The following PDE1A variants were observed in gnomAD, a reference collection of about 807,000 sequenced individuals.
The protein encoded by PDE1A is phosphodiesterase 1A.
PDE1A carries 35 observed loss-of-function variants against 61.7 expected under a neutral mutation model. The observed-to-expected ratio is 0.57, with a 90% CI of 0.43 to 0.75. The LOEUF (loss-of-function observed/expected upper bound fraction) is 0.75, where lower values mean the gene tolerates loss of function less well. Among genes scored for constraint, PDE1A ranks in the 30% least tolerant of loss-of-function variants. The pLI is 0.00. For synonymous variants in PDE1A, 232 were observed against 213.2 expected, an observed-to-expected ratio of 1.09 and a Z score of -0.77; for missense variants, 597 against 630.6, an observed-to-expected ratio of 0.95 and a Z score of 0.57.
the PDE1A span, among the ~76,000 whole-genome samples, chr2:182,607,499 CT>C: frequency 6.6e-6 from 1 of 152,096 alleles, no homozygotes; most frequent in Non-Finnish European, 1.5e-5. Context: ...TTCATGCAAA[CT>C]CAAGGCCCAA....
At chr2:182,681,328 G>C in the PDE1A span, among the ~76,000 whole-genome samples, 1 of 151,490 alleles carries the variant, frequency 6.6e-6, no homozygotes, top group Non-Finnish European at 1.5e-5. Context: ...ATTTTAGAGA[G>C]AGAGAGTCTT....
intron 1 of PDE1A, among the ~76,000 whole-genome samples, chr2:182,401,214 C>A (rs189685594): frequency 6.6e-6 from 1 of 151,990 alleles, no homozygotes; most frequent in Non-Finnish European, 1.5e-5. Context: ...AGGAGGGACA[C>A]GACACAAAAA....
At chr2:182,417,049 A>G (rs904627554) in intron 1 of PDE1A, among the ~76,000 whole-genome samples, 2 of 152,198 alleles carry the variant, frequency 1.3e-5, no homozygotes, top group Admixed American at 1.3e-4. Flanking sequence ...CGCAATAGAC[A>G]CACACTGTAT....
At chr2:182,193,693 C>T (rs963898305) in intron 10 of PDE1A, among the ~76,000 whole-genome samples, 1 of 152,138 alleles carries the variant, frequency 6.6e-6, no homozygotes, top group African/African-American at 2.4e-5. Context: ...AATACATTCA[C>T]TTTCAGTAAA....
At chr2:182,293,794 G>C (rs1475411858) in intron 1 of PDE1A, among the ~76,000 whole-genome samples, 1 of 152,138 alleles carries the variant, frequency 6.6e-6, no homozygotes, top group African/African-American at 2.4e-5. Context: ...TTATTGTACT[G>C]TACTTATCCT....
At chr2:182,258,454 T>C (rs1223228610) in intron 2 of PDE1A, among the ~76,000 whole-genome samples, 4 of 152,214 alleles carry the variant, frequency 2.6e-5, no homozygotes, top group African/African-American at 9.6e-5. Context: ...CTGACCATTC[T>C]CAAGAACTTT....
At chr2:182,428,892 A>G (rs1703776670), upstream of PDE1A, among the ~76,000 whole-genome samples, 1 of 152,144 alleles carries the variant, frequency 6.6e-6, no homozygotes, top group Admixed American at 6.6e-5. Context: ...CATGAACACA[A>G]TGGAGGGAAC....
chr2:182,319,067 G>A (rs112447748), intron 1 of PDE1A, among the ~76,000 whole-genome samples: 1,679 of 151,868 alleles, frequency 0.011, 25 homozygotes, highest in South Asian at 0.07. Flanking sequence ...ATTATTTCTC[G>A]TCATGTATTG....
the PDE1A span, among the ~76,000 whole-genome samples, chr2:182,701,637 C>A: frequency 1.3e-5 from 2 of 152,236 alleles, no homozygotes; most frequent in South Asian, 4.2e-4. Flanking sequence ...CCGCCTCGGC[C>A]TCCCAAAGTT....
chr2:182,304,870 A>C (rs1422413851), intron 1 of PDE1A, among the ~76,000 whole-genome samples: 3 of 152,224 alleles, frequency 2.0e-5, no homozygotes, highest in African/African-American at 7.2e-5. Flanking sequence ...CTAAAATATC[A>C]CACAGAGACA....
chr2:182,575,454 T>C, the PDE1A span, among the ~76,000 whole-genome samples: 2 of 151,680 alleles, frequency 1.3e-5, no homozygotes, highest in Admixed American at 6.6e-5. Context: ...GGAATAATTG[T>C]TGTGACTCCT....
chr2:182,408,266 T>C (rs1702417084), intron 1 of PDE1A, among the ~76,000 whole-genome samples: 1 of 151,196 alleles, frequency 6.6e-6, no homozygotes, highest in Non-Finnish European at 1.5e-5. Context: ...TATTTGGAAA[T>C]GACATACCTG....
chr2:182,636,370 T>G, the PDE1A span, among the ~76,000 whole-genome samples: 1 of 152,288 alleles, frequency 6.6e-6, no homozygotes. Flanking sequence ...TAACTCTGTC[T>G]TTAACTTTTG....
chr2:182,185,422 TA>T (rs2125393760), intron 13 of PDE1A, among the ~76,000 whole-genome samples: 1 of 152,306 alleles, frequency 6.6e-6, no homozygotes, highest in East Asian at 1.9e-4. Flanking sequence ...GGTTGATTAC[TA>T]ATGATTTCCC....
chr2:182,282,590 T>A (rs901853698), intron 1 of PDE1A, among the ~76,000 whole-genome samples: 2 of 152,016 alleles, frequency 1.3e-5, no homozygotes, highest in African/African-American at 4.8e-5. Flanking sequence ...TAAGGAGACA[T>A]CCATATCATA....
chr2:182,213,284 G>C (rs984457771), intron 7 of PDE1A, among the ~76,000 whole-genome samples: 3 of 135,118 alleles, frequency 2.2e-5, no homozygotes, highest in African/African-American at 5.6e-5. Context: ...CATCATCAAA[G>C]ACCAAAAGTA....
chr2:182,608,257 C>T, the PDE1A span, among the ~76,000 whole-genome samples: 3 of 152,206 alleles, frequency 2.0e-5, no homozygotes, highest in East Asian at 1.9e-4. Context: ...CACTTTTCTG[C>T]GGAAAAACTT....
chr2:182,565,758 T>C, the PDE1A span, among the ~76,000 whole-genome samples: 71 of 152,154 alleles, frequency 4.7e-4, no homozygotes, highest in African/African-American at 1.7e-3. Flanking sequence ...TTCTGAAACA[T>C]GAAACAATCC....
chr2:182,196,212 G>A (rs1466057787), intron 10 of PDE1A, among the ~76,000 whole-genome samples: 1 of 151,924 alleles, frequency 6.6e-6, no homozygotes, highest in East Asian at 1.9e-4. Flanking sequence ...TGTTTCTGAA[G>A]GGGATTTGAA....
Sources: allele counts gnomAD v4.1 joint callset (sites outside exome capture counted in the v4.1 genomes callset), GRCh38; gene constraint gnomAD v4.1.1; transcripts MANE v1.5; gene names NCBI Gene and HGNC (gene_info 2026-07-23, HGNC 2026-07-21).